The following KHDRBS2 variants were observed in gnomAD, a reference collection of about 807,000 sequenced individuals.
The protein encoded by KHDRBS2 is KH domain-containing, RNA-binding, signal transduction-associated protein 2.
In KHDRBS2, 26 loss-of-function variants were observed where a neutral mutation model predicts 44.3. That is an observed-to-expected ratio of 0.59 (90% CI 0.43 to 0.81). KHDRBS2 has a LOEUF of 0.81. Ranked by LOEUF, KHDRBS2 falls within the 40% of genes least tolerant of loss-of-function variation. The probability of loss-of-function intolerance (pLI) is 0.00; values close to 1 mark genes in which losing one functional copy is unlikely to be tolerated. For missense variants in KHDRBS2, 476 were observed against 433.1 expected, an observed-to-expected ratio of 1.10 and a Z score of -0.88; for synonymous variants, 194 against 151.1, an observed-to-expected ratio of 1.28 and a Z score of -2.08.
chr6:61,550,146 C>T, the KHDRBS2 span, among the ~76,000 whole-genome samples: 3 of 152,030 alleles, frequency 2.0e-5, no homozygotes, highest in Non-Finnish European at 4.4e-5. Context: ...TATTTTGTCA[C>T]CCAGGTAACA....
chr6:61,961,136 C>A (rs182797040), intron 4 of KHDRBS2, among the ~76,000 whole-genome samples: 7 of 152,132 alleles, frequency 4.6e-5, no homozygotes, highest in Admixed American at 3.9e-4. Flanking sequence ...ATTATATATC[C>A]TATGTTGCAA....
the KHDRBS2 span, among the ~76,000 whole-genome samples, chr6:61,578,537 C>T: frequency 6.6e-6 from 1 of 152,112 alleles, no homozygotes; most frequent in Non-Finnish European, 1.5e-5. Flanking sequence ...GATATCATTG[C>T]CCTCGTATTT....
intron 7 of KHDRBS2, among the ~76,000 whole-genome samples, chr6:61,701,195 T>C (rs1269407341): frequency 6.6e-6 from 1 of 152,082 alleles, no homozygotes; most frequent in East Asian, 1.9e-4. Flanking sequence ...CTATTGGTGA[T>C]CCTTGCTACT....
intron 4 of KHDRBS2, among the ~76,000 whole-genome samples, chr6:61,955,049 CATATATGTATGT>C (rs1562516115): frequency 7.0e-6 from 1 of 142,874 alleles, no homozygotes; most frequent in East Asian, 2.2e-4. Flanking sequence ...TGTATGTATA[CATATATGTATGT>C]ATACACATAT....
chr6:61,575,773 A>G, the KHDRBS2 span, among the ~76,000 whole-genome samples: 1 of 152,204 alleles, frequency 6.6e-6, no homozygotes, highest in Non-Finnish European at 1.5e-5. Context: ...CTACTCAGAT[A>G]TAAAAAGGAA....
rs1412239112 is a variant in KHDRBS2, at chr6:61,978,046, A to G, written c.483+20T>C. The G allele has an allele frequency of 6.4e-7, 1 of 1,562,270 alleles. No individual in the cohort carries two copies. The highest frequency in any genetic ancestry group is 1.4e-5 in the African/African-American group (1 of 71,726). On this transcript the variant is annotated intron_variant, in intron 4 of 8. Transcript: ENST00000281156. The stretch of plus-strand genomic sequence containing the variant: ...AGAAGCTGATAAGAAACATCTTTGT[A>G]AAAAATGAAAGACACTTACAGGAAC...
In KHDRBS2 at chr6:62,177,176, T is replaced by C. The variant is rs374465611; in HGVS notation, c.219+9A>G. 81 of 1,522,664 alleles carry C rather than the reference T, an allele frequency of 5.3e-5. 1 individual carries two copies. The highest frequency in any genetic ancestry group is 7.1e-5 in the Non-Finnish European group (79 of 1,106,004). 94.3% of individuals were successfully genotyped at this position (1,522,664 alleles called of 1,614,324 possible). On this transcript the variant is annotated intron_variant, in intron 2 of 8. Transcript: ENST00000281156. ...CAATTATATGAGAACAAAGTATATA[T>C]GGTAGTACCTTTGGATACTGCTTGA...
the KHDRBS2 span, among the ~76,000 whole-genome samples, chr6:61,660,932 A>G: frequency 6.6e-6 from 1 of 151,880 alleles, no homozygotes; most frequent in Non-Finnish European, 1.5e-5. Flanking sequence ...CAGTGTGAAC[A>G]TTCATCACAT....
chr6:61,735,781 T>G (rs562167894), intron 6 of KHDRBS2, among the ~76,000 whole-genome samples: 1 of 151,930 alleles, frequency 6.6e-6, no homozygotes, highest in East Asian at 1.9e-4. Context: ...CATACTTAAT[T>G]GGTTGGGTAG....
At chr6:61,988,371 T>C (rs1775468427) in intron 3 of KHDRBS2, among the ~76,000 whole-genome samples, 1 of 152,230 alleles carries the variant, frequency 6.6e-6, no homozygotes, top group Admixed American at 6.5e-5. Flanking sequence ...ATTAGTGTAC[T>C]CACAAATACT....
the KHDRBS2 span, among the ~76,000 whole-genome samples, chr6:61,576,672 AC>A: frequency 1.3e-5 from 2 of 152,170 alleles, no homozygotes; most frequent in East Asian, 3.9e-4. Flanking sequence ...TGTAGCTGAC[AC>A]AAAATAAACT....
chr6:62,121,351 G>T (rs1807588945), intron 2 of KHDRBS2, among the ~76,000 whole-genome samples: 1 of 152,220 alleles, frequency 6.6e-6, no homozygotes, highest in Non-Finnish European at 1.5e-5. Flanking sequence ...AGACTCAGGG[G>T]TGGTGATTCC....
At chr6:61,811,645 C>T (rs1256065072) in intron 6 of KHDRBS2, among the ~76,000 whole-genome samples, 1 of 152,002 alleles carries the variant, frequency 6.6e-6, no homozygotes, top group Non-Finnish European at 1.5e-5. Context: ...ACAGTCTGAC[C>T]GTGTGAGTGA....
intron 3 of KHDRBS2, among the ~76,000 whole-genome samples, chr6:62,029,064 A>T (rs536351771): frequency 5.5e-4 from 84 of 152,128 alleles, no homozygotes; most frequent in African/African-American, 1.9e-3. Context: ...CAAGTTAGAA[A>T]AGACTTGGAA....
chr6:61,566,295 G>A, the KHDRBS2 span, among the ~76,000 whole-genome samples: 1 of 152,120 alleles, frequency 6.6e-6, no homozygotes, highest in Non-Finnish European at 1.5e-5. Flanking sequence ...ATTACAGTTA[G>A]ATAGTAGGAG....
intron 1 of KHDRBS2, among the ~76,000 whole-genome samples, chr6:62,234,038 T>TA (rs574856208): frequency 5.6e-4 from 83 of 148,322 alleles, no homozygotes; most frequent in East Asian, 5.5e-3. Flanking sequence ...TATTTCTGTT[T>TA]AAAAAAAAAA....
At chr6:62,074,375 T>C (rs1394105046) in intron 2 of KHDRBS2, among the ~76,000 whole-genome samples, 2 of 151,826 alleles carry the variant, frequency 1.3e-5, no homozygotes, top group Non-Finnish European at 2.9e-5. Context: ...CTTTAAAAAC[T>C]CTATGCAAAT....
chr6:62,114,514 A>G (rs1423759648), intron 2 of KHDRBS2, among the ~76,000 whole-genome samples: 1 of 152,118 alleles, frequency 6.6e-6, no homozygotes, highest in African/African-American at 2.4e-5. Flanking sequence ...AATAGAATAA[A>G]ACAGGTAAAA....
chr6:62,173,573 G>T (rs998469494), intron 2 of KHDRBS2, among the ~76,000 whole-genome samples: 16 of 151,800 alleles, frequency 1.1e-4, no homozygotes, highest in Non-Finnish European at 1.9e-4. Flanking sequence ...TATGAGTCCA[G>T]CATCATCCTG....
Sources: gnomAD v4.1 joint callset for allele counts (sites outside exome capture counted in the v4.1 genomes callset) on GRCh38, gnomAD v4.1.1 for gene constraint, MANE v1.5 for transcripts, NCBI Gene and HGNC (gene_info 2026-07-23, HGNC 2026-07-21) for gene names.